SRD5A2: variants seen among roughly 807,000 people sequenced by gnomAD.
The protein encoded by SRD5A2 is 3-oxo-5-alpha-steroid 4-dehydrogenase 2.
Under a neutral mutation model 27.4 loss-of-function variants are expected in SRD5A2, and 30 were observed. That is an observed-to-expected ratio of 1.10 (90% CI 0.82 to 1.49). The LOEUF is 1.49. Ranked by LOEUF, SRD5A2 falls within the 40% of genes most tolerant of loss-of-function variation. The probability of loss-of-function intolerance (pLI) is 0.00; values close to 1 mark genes in which losing one functional copy is unlikely to be tolerated. For synonymous variants in SRD5A2, 141 were observed against 133.6 expected, an observed-to-expected ratio of 1.06 and a Z score of -0.38; for missense variants, 348 against 323.4, an observed-to-expected ratio of 1.08 and a Z score of -0.58.
chr2:31,585,650 T>C (rs977686189), upstream of SRD5A2, among the ~76,000 whole-genome samples: 9 of 152,130 alleles, frequency 5.9e-5, no homozygotes, highest in African/African-American at 2.2e-4. Flanking sequence ...TAACCAGCAG[T>C]GATACCCAGA....
the SRD5A2 span, chr2:31,651,255 G>A: frequency 6.6e-6 from 1 of 152,292 alleles, no homozygotes; most frequent in Non-Finnish European, 1.5e-5. Context: ...TATGGAACAG[G>A]AAATCTAATC....
chr2:31,583,294 T>A (rs1024091152), upstream of SRD5A2, among the ~76,000 whole-genome samples: 1 of 152,182 alleles, frequency 6.6e-6, no homozygotes, highest in Non-Finnish European at 1.5e-5. Context: ...CTCTTCAGGC[T>A]CAGGCCAAGA....
chr2:31,602,781 A>C, the SRD5A2 span, among the ~76,000 whole-genome samples: 1 of 151,490 alleles, frequency 6.6e-6, no homozygotes, highest in Non-Finnish European at 1.5e-5. Flanking sequence ...GAACTTTGAC[A>C]AAACTGACAA....
chr2:31,563,052 C>T (rs896517448), intron 1 of SRD5A2: 3 of 152,166 alleles, frequency 2.0e-5, no homozygotes, highest in African/African-American at 7.2e-5. Context: ...GTATCTCCCA[C>T]TCTTTATCTC....
chr2:31,524,727 T>C lies in SRD5A2; in HGVS notation c.*1469A>G, dbSNP rs1283233143. 4.3e-6 allele frequency: 1 copy of C among 230,698 alleles called. No individual in the cohort carries two copies. The highest frequency in any genetic ancestry group is 1.3e-3 in the Middle Eastern group (1 of 798). The allele number at this position is 230,698 out of a possible 1,614,324, so 14.3% of individuals were successfully genotyped here. ...AGTGAGTTTCTGTGCTTAGTACCAC[T>C]GGTGCTCATTTGTCAAAACAGTTTG... On this transcript the variant is annotated 3_prime_UTR_variant, in exon 5 of 5. Coordinates refer to ENST00000622030, the MANE Select transcript of SRD5A2 (RefSeq NM_000348.4).
chr2:31,619,227 G>C, the SRD5A2 span, among the ~76,000 whole-genome samples: 20 of 152,250 alleles, frequency 1.3e-4, no homozygotes, highest in East Asian at 3.3e-3. Context: ...ATGTAAAATT[G>C]TGTAGCCACT....
At chr2:31,571,927 T>G (rs1035245840) in intron 1 of SRD5A2, among the ~76,000 whole-genome samples, 12 of 151,954 alleles carry the variant, frequency 7.9e-5, no homozygotes, top group Non-Finnish European at 1.3e-4. Flanking sequence ...GAGGAATTTC[T>G]CAAATAATTT....
the SRD5A2 span, among the ~76,000 whole-genome samples, chr2:31,601,392 C>A: frequency 6.6e-6 from 1 of 151,860 alleles, no homozygotes; most frequent in East Asian, 1.9e-4. Context: ...CTGAATAGAC[C>A]AAAAATGAGT....
chr2:31,562,766 C>T (rs1666649839), intron 1 of SRD5A2, among the ~76,000 whole-genome samples: 1 of 152,032 alleles, frequency 6.6e-6, no homozygotes, highest in Non-Finnish European at 1.5e-5. Context: ...AAGCTCAAAC[C>T]TCAGCATCAC....
chr2:31,533,155 G>C (rs1217431892), intron 2 of SRD5A2, among the ~76,000 whole-genome samples: 1 of 152,186 alleles, frequency 6.6e-6, no homozygotes, highest in East Asian at 1.9e-4. Flanking sequence ...ATGTGGTCCA[G>C]GGAAGCCAAA....
At chr2:31,590,178 T>C in the SRD5A2 span, among the ~76,000 whole-genome samples, 1 of 57,554 alleles carries the variant, frequency 1.7e-5, no homozygotes, top group South Asian at 6.8e-4. Flanking sequence ...CGCTCAATGG[T>C]TTTTCTCTAC....
chr2:31,558,119 T>C (rs950439645), intron 1 of SRD5A2, among the ~76,000 whole-genome samples: 3 of 152,210 alleles, frequency 2.0e-5, no homozygotes, highest in Non-Finnish European at 2.9e-5. Context: ...GGAGTTTCTA[T>C]ACTTGAAGAG....
chr2:31,565,894 T>C (rs1296278181), intron 1 of SRD5A2, among the ~76,000 whole-genome samples: 2 of 152,044 alleles, frequency 1.3e-5, no homozygotes, highest in Non-Finnish European at 2.9e-5. Context: ...TTCTTGGCAG[T>C]ATACACATTC....
the SRD5A2 span, among the ~76,000 whole-genome samples, chr2:31,638,044 T>C: frequency 1.3e-5 from 2 of 152,098 alleles, no homozygotes; most frequent in Non-Finnish European, 2.9e-5. Flanking sequence ...GTCTTTCTAC[T>C]TTTTTGATGT....
intron 2 of SRD5A2, among the ~76,000 whole-genome samples, chr2:31,531,941 G>T (rs1665916975): frequency 6.6e-6 from 1 of 152,180 alleles, no homozygotes; most frequent in South Asian, 2.1e-4. Context: ...AAGATGTAAA[G>T]TGAAGTCTTG....
chr2:31,653,902 GC>G, the SRD5A2 span, among the ~76,000 whole-genome samples: 2 of 152,106 alleles, frequency 1.3e-5, no homozygotes, highest in African/African-American at 4.8e-5. Flanking sequence ...CAGGTGATCT[GC>G]CCGCCTCGGC....
At chr2:31,629,350 G>A in the SRD5A2 span, among the ~76,000 whole-genome samples, 1 of 152,292 alleles carries the variant, frequency 6.6e-6, no homozygotes, top group East Asian at 1.9e-4. Flanking sequence ...CATCTTGGGA[G>A]CTCTAAGAAC....
the SRD5A2 span, among the ~76,000 whole-genome samples, chr2:31,623,819 T>C: frequency 1.3e-5 from 2 of 152,140 alleles, no homozygotes; most frequent in South Asian, 2.1e-4. Flanking sequence ...TGAAGCAATG[T>C]TGAATTTTAT....
At chr2:31,588,361 T>C in the SRD5A2 span, among the ~76,000 whole-genome samples, 2 of 152,054 alleles carry the variant, frequency 1.3e-5, no homozygotes, top group Non-Finnish European at 2.9e-5. Context: ...GAAAGAATCC[T>C]AAAACAAGCA....
Sources: gnomAD v4.1 joint callset for allele counts (sites outside exome capture counted in the v4.1 genomes callset) on GRCh38, gnomAD v4.1.1 for gene constraint, MANE v1.5 for transcripts, NCBI Gene and HGNC (gene_info 2026-07-23, HGNC 2026-07-21) for gene names.